The following PPP2R2C variants were observed in gnomAD, a reference collection of about 807,000 sequenced individuals.
The protein encoded by PPP2R2C is protein phosphatase 2, regulatory subunit B, gamma.
Under a neutral mutation model 45.3 loss-of-function variants are expected in PPP2R2C, and 10 were observed. That is an observed-to-expected ratio of 0.22 (90% confidence interval 0.14 to 0.37). The LOEUF is 0.37. PPP2R2C is among the 10% of genes least tolerant of loss of function. PPP2R2C has a pLI of 1.00. For synonymous variants in PPP2R2C, 257 were observed against 245.4 expected, an observed-to-expected ratio of 1.05 and a Z score of -0.44; for missense variants, 308 against 619.7, an observed-to-expected ratio of 0.50 and a Z score of 5.34.
At position 6,323,030 on chromosome 4, in the gene PPP2R2C, T is replaced by G. The variant is rs1263356795; in HGVS notation, c.*272A>C. 1 of 366,926 alleles carries G rather than the reference T, an allele frequency of 2.7e-6. No homozygotes were observed. The highest frequency in any genetic ancestry group is 4.9e-6 in the Non-Finnish European group (1 of 204,722). 22.7% of individuals were successfully genotyped at this position (366,926 alleles called of 1,614,324 possible). ...ATGAAAGAACCCTGAACTGTAAGAC[T>G]CCACAGTCATGTCCATTTTATGATT... On this transcript the variant is annotated 3_prime_UTR_variant, in exon 9 of 9. Coordinates refer to ENST00000382599, the MANE Select transcript of PPP2R2C (RefSeq NM_020416.4).
chr4:6,401,628 C>A (rs1387250605), intron 1 of PPP2R2C, among the ~76,000 whole-genome samples: 1 of 152,130 alleles, frequency 6.6e-6, no homozygotes, highest in Admixed American at 6.5e-5. Context: ...GAGCTCCACC[C>A]TCCTCTGTGT....
chr4:6,365,909 C>T (rs527677103), intron 5 of PPP2R2C, among the ~76,000 whole-genome samples: 3 of 152,156 alleles, frequency 2.0e-5, no homozygotes, highest in Non-Finnish European at 4.4e-5. Flanking sequence ...CCGCTGAGAC[C>T]TCCTGTGCAA....
chr4:6,473,164 T>G (rs1006313280), upstream of PPP2R2C, among the ~76,000 whole-genome samples: 1 of 151,970 alleles, frequency 6.6e-6, no homozygotes, highest in Non-Finnish European at 1.5e-5. Flanking sequence ...GAGGGGTGAT[T>G]GGGCCTCCCC....
chr4:6,357,128 C>T (rs1280323824), intron 5 of PPP2R2C, among the ~76,000 whole-genome samples: 1 of 148,388 alleles, frequency 6.7e-6, no homozygotes, highest in Non-Finnish European at 1.5e-5. Flanking sequence ...CCCCTTTCAT[C>T]TGCTGTGGCA....
At chr4:6,478,842 C>T (rs1490787501) in intron 2 of PPP2R2C, among the ~76,000 whole-genome samples, 1 of 152,230 alleles carries the variant, frequency 6.6e-6, no homozygotes, top group African/African-American at 2.4e-5. Context: ...TTATCTTCTT[C>T]CCGGGACCCC....
intron 2 of PPP2R2C, among the ~76,000 whole-genome samples, chr4:6,511,729 G>T (rs62644668): frequency 6.8e-4 from 17 of 24,936 alleles, no homozygotes; most frequent in South Asian, 2.1e-3. Context: ...GGTGATGGTG[G>T]TGGAGGTGAT....
chr4:6,420,641 C>T (rs2109391515), intron 1 of PPP2R2C, among the ~76,000 whole-genome samples: 1 of 152,234 alleles, frequency 6.6e-6, no homozygotes, highest in South Asian at 2.1e-4. Context: ...ATCTGCGGGA[C>T]ACGAACTGTC....
chr4:6,392,309 A>G (rs1716701286), intron 1 of PPP2R2C, among the ~76,000 whole-genome samples: 1 of 152,188 alleles, frequency 6.6e-6, no homozygotes, highest in Non-Finnish European at 1.5e-5. Context: ...TCAGCAGTGC[A>G]CACTCCCCAG....
At position 6,562,219 on chromosome 4, in the gene PPP2R2C, A is replaced by G. The variant is rs1007969787; in HGVS notation, c.-59+1341T>C. ...CTGCAGCAGATTGTGGGGCACTGACAGCTGACAGAGGAGCTCACCTGTGGG... is the reference window on the plus strand; with the variant it reads ...CTGCAGCAGATTGTGGGGCACTGACGGCTGACAGAGGAGCTCACCTGTGGG... On this transcript the variant is annotated intron_variant, in intron 1 of 9. Coordinates refer to the PPP2R2C transcript ENST00000506140. 3.9e-5 allele frequency among the ~76,000 whole-genome samples: 6 copies of G among 152,148 alleles called. No individual in the cohort carries two copies. The East Asian group carries it at 9.6e-4, about 24-fold the overall frequency.
chr4:6,456,221 A>G (rs956042800), intron 1 of PPP2R2C, among the ~76,000 whole-genome samples: 2 of 152,256 alleles, frequency 1.3e-5, no homozygotes, highest in African/African-American at 2.4e-5. Context: ...GACACAAAAC[A>G]TAGTACAATC....
chr4:6,363,383 C>T (rs1236480869), intron 5 of PPP2R2C, among the ~76,000 whole-genome samples: 2 of 152,072 alleles, frequency 1.3e-5, no homozygotes, highest in East Asian at 1.9e-4. Flanking sequence ...TCGAGACCAT[C>T]CTGGCTAACA....
intron 1 of PPP2R2C, among the ~76,000 whole-genome samples, chr4:6,547,974 T>G (rs1419665715): frequency 2.6e-5 from 4 of 152,128 alleles, no homozygotes; most frequent in Non-Finnish European, 2.9e-5. Flanking sequence ...TCCCAGCACT[T>G]TGGGAGGCCA....
chr4:6,551,038 T>C (rs78747207), intron 1 of PPP2R2C, among the ~76,000 whole-genome samples: 1 of 152,188 alleles, frequency 6.6e-6, no homozygotes, highest in East Asian at 1.9e-4. Flanking sequence ...CCATGGAGCC[T>C]GGTGGTTATG....
At chr4:6,410,778 T>G (rs927777083) in intron 1 of PPP2R2C, among the ~76,000 whole-genome samples, 1 of 152,176 alleles carries the variant, frequency 6.6e-6, no homozygotes, top group Non-Finnish European at 1.5e-5. Flanking sequence ...AAGTCCTTCA[T>G]GAACATTGAT....
intron 1 of PPP2R2C, among the ~76,000 whole-genome samples, chr4:6,443,544 T>C (rs958385125): frequency 6.6e-6 from 1 of 152,192 alleles, no homozygotes. Context: ...AACATTCAGC[T>C]GGAACCTCAG....
At chr4:6,342,656 C>A (rs1384198578) in intron 6 of PPP2R2C, among the ~76,000 whole-genome samples, 2 of 152,230 alleles carry the variant, frequency 1.3e-5, no homozygotes, top group Non-Finnish European at 2.9e-5. Context: ...TTTCTTTCCG[C>A]AGGCTCTGTG....
At chr4:6,399,483 T>C (rs1717269580) in intron 1 of PPP2R2C, among the ~76,000 whole-genome samples, 1 of 152,236 alleles carries the variant, frequency 6.6e-6, no homozygotes, top group Non-Finnish European at 1.5e-5. Context: ...CATCCAGATT[T>C]GTCCAAGGTG....
chr4:6,496,185 G>A (rs1321079779), intron 2 of PPP2R2C, among the ~76,000 whole-genome samples: 1 of 152,226 alleles, frequency 6.6e-6, no homozygotes, highest in African/African-American at 2.4e-5. Context: ...ATTTCCAAAT[G>A]TGTCACATTC....
chr4:6,390,228 T>TG (rs147027347), intron 1 of PPP2R2C, among the ~76,000 whole-genome samples: 34,268 of 151,372 alleles, frequency 0.23, 4,189 homozygotes, highest in African/African-American at 0.34. Context: ...AGAGGGAGGC[T>TG]GGGGGTGCAC....
Sources: allele counts gnomAD v4.1 joint callset (sites outside exome capture counted in the v4.1 genomes callset), GRCh38; gene constraint gnomAD v4.1.1; transcripts MANE v1.5; gene names NCBI Gene and HGNC (gene_info 2026-07-23, HGNC 2026-07-21).